FGF16: variants seen among roughly 807,000 people sequenced by gnomAD.
The protein encoded by FGF16 is fibroblast growth factor 16, also known as metacarpal 4-5 fusion.
FGF16 carries 2 observed loss-of-function variants against 8.5 expected under a neutral mutation model. The ratio of observed to expected loss-of-function variants is 0.24; its 90% CI spans 0.10 to 0.75. The LOEUF is 0.75. Among genes scored for constraint, FGF16 ranks in the 30% least tolerant of loss-of-function variants. The probability of loss-of-function intolerance (pLI) is 0.74; values close to 1 mark genes in which losing one functional copy is unlikely to be tolerated. For synonymous variants in FGF16, 33 were observed against 34.6 expected, an observed-to-expected ratio of 0.95 and a Z score of 0.16; for missense variants, 79 against 87.4, an observed-to-expected ratio of 0.90 and a Z score of 0.38.
At chrX:77,449,045 T>C (rs928749809) in intron 1 of FGF16, among the ~76,000 whole-genome samples, 6 of 110,753 alleles carry the variant, frequency 5.4e-5, no homozygotes, top group Non-Finnish European at 1.1e-4. Context: ...CCCTCCTTCT[T>C]GCCAACATCT....
chrX:77,448,425 G>C (rs1413861997), intron 1 of FGF16, among the ~76,000 whole-genome samples: 1 of 112,763 alleles, frequency 8.9e-6, no homozygotes, highest in Non-Finnish European at 1.9e-5. Flanking sequence ...CTTTTGGCCC[G>C]TGGGTACCAG....
intron 1 of FGF16, among the ~76,000 whole-genome samples, chrX:77,453,637 C>A (rs57828703): frequency 0.28 from 31,043 of 110,337 alleles, 3,187 homozygotes; most frequent in Middle Eastern, 0.36. Flanking sequence ...GCCTGTGTGA[C>A]CTTTGTTAGA....
chrX:77,447,964 G>A lies in FGF16; in HGVS notation c.274+16G>A. 1 of 298,202 alleles carries A rather than the reference G, an allele frequency of 3.4e-6. No homozygotes were observed. Among genetic ancestry groups the A allele is most frequent in the Non-Finnish European group, 5.9e-6 (1 of 170,403 alleles). 24.6% of individuals were successfully genotyped at this position (298,202 alleles called of 1,213,427 possible). A position where few individuals can be genotyped will look rare whatever the true frequency, so the allele number is the denominator to read the frequency against. ...AGCCGCTTCGGTGAGGACGCGGTCG[G>A]GGGAACGGGAGGCGGGCGGACGGCG... is the stretch of plus-strand genomic sequence containing the variant. On this transcript the variant is annotated intron_variant, in intron 1 of 2. Transcript: ENST00000439435.
intron 1 of FGF16, among the ~76,000 whole-genome samples, chrX:77,450,789 G>A (rs1436080038): frequency 8.9e-6 from 1 of 111,958 alleles, no homozygotes; most frequent in Admixed American, 9.4e-5. Flanking sequence ...AGAAGTGTCT[G>A]GAAATTGTCA....
Position 77,457,271 on chromosome X carries a change from T to C in FGF16, c.*749T>C, listed in dbSNP as rs1394801862. ...TTACTGACAATAAAATTTGTCTTTA[T>C]ATTGTAAGATTCTGTCTAATTCTAT... On this transcript the variant is annotated 3_prime_UTR_variant, in exon 3 of 3. Transcript: ENST00000439435. The C allele has an allele frequency of 8.9e-6, 1 of 112,165 alleles. No individual in the cohort carries two copies. The highest frequency in any genetic ancestry group is 3.2e-5 in the African/African-American group (1 of 30,912). 9.2% of individuals were successfully genotyped at this position (112,165 alleles called of 1,213,427 possible). A position where few individuals can be genotyped will look rare whatever the true frequency, so the allele number is the denominator to read the frequency against.
intron 1 of FGF16, among the ~76,000 whole-genome samples, chrX:77,452,922 A>T (rs2062561283): frequency 9.0e-6 from 1 of 110,657 alleles, no homozygotes; most frequent in South Asian, 3.9e-4. Context: ...TAGAAAAAAT[A>T]AAAAATTAGC....
intron 2 of FGF16, among the ~76,000 whole-genome samples, chrX:77,454,868 C>T (rs781942340): frequency 3.2e-4 from 31 of 96,494 alleles, no homozygotes; most frequent in African/African-American, 8.0e-4. Flanking sequence ...GCAACCTCAG[C>T]TCACTGCAAC....
rs782722552 is a variant in FGF16 at position 77,454,790 on chromosome X, CT to C, written c.378+549del. Among the ~76,000 whole-genome samples, 581 of 81,112 alleles carry C rather than the reference CT, an allele frequency of 7.2e-3. 1 individual carries two copies. Among genetic ancestry groups the C allele is most frequent in the African/African-American group, 0.014 (304 of 21,206 alleles). 70.4% of individuals were successfully genotyped at this position (81,112 alleles called of 115,157 possible). Reference sequence around the variant, plus strand: ...CTCATTTGGCCCCCACCAAAACAAGCTTTTTTTTTTTTTTTTTTTGCTTTGA... The same window carrying C: ...CTCATTTGGCCCCCACCAAAACAAGCTTTTTTTTTTTTTTTTTTGCTTTGA... On this transcript the variant is annotated intron_variant, in intron 2 of 2. Transcript: ENST00000439435.
intron 1 of FGF16, among the ~76,000 whole-genome samples, chrX:77,453,137 T>G (rs1262481793): frequency 9.0e-6 from 1 of 111,718 alleles, no homozygotes; most frequent in Non-Finnish European, 1.9e-5. Flanking sequence ...CAGCCAGATA[T>G]GAGCTCATTT....
At position 77,454,198 on chromosome X, in the gene FGF16, A is replaced by C. The variant is rs781986970; in HGVS notation, c.316A>C (p.Ile106Leu). The change falls in exon 2 of 3, where the codon ATC becomes CTC. Residue 106 changes from isoleucine (I) to leucine (L), a missense_variant. Coordinates refer to ENST00000439435, the MANE Select transcript of FGF16 (RefSeq NM_003868.3). The stretch of plus-strand genomic sequence containing the variant: ...CAGCCTGGCTGTGGGGCTGATCAGC[A>C]TCCGGGGAGTGGACTCTGGCCTGTA... The part of the protein sequence containing the change: ...FISLAVGLIS[I>L]RGVDSGLYLG... 5.6e-5 allele frequency: 66 copies of C among 1,169,058 alleles called. No individual in the cohort carries two copies. In the South Asian group the frequency reaches 1.2e-3, roughly 21 times the overall value.
intron 1 of FGF16, 33 bp downstream of exon 1, chrX:77,447,981 C>T (rs1323673632): frequency 1.0e-5 from 3 of 296,853 alleles, no homozygotes; most frequent in African/African-American, 2.7e-5. Flanking sequence ...GGGAGGCGGG[C>T]GGACGGCGCA....
Position 77,456,432 on chromosome X carries a change from A to C in FGF16, c.534A>C (p.Lys178Asn), listed in dbSNP as rs782795164. 22 of 1,207,391 alleles carry C rather than the reference A, an allele frequency of 1.8e-5. No individual in the cohort carries two copies. Among genetic ancestry groups the C allele is most frequent in the Non-Finnish European group, 1.8e-5 (16 of 893,273 alleles). Residue 178 changes from lysine to asparagine, a missense_variant, in exon 3 of 3, where the codon AAA becomes AAC. Lys to Asn is a moderately conservative substitution (Grantham distance 94). Transcript: ENST00000439435. ...CACCCCGGGAGGGATACAGGACTAA[A>C]CGACACCAGAAATTCACTCACTTTT... ...DGSPREGYRT[K>N]RHQKFTHFLP...
chrX:77,449,731 C>A (rs1557026536), intron 1 of FGF16, among the ~76,000 whole-genome samples: 1 of 111,193 alleles, frequency 9.0e-6, no homozygotes, highest in African/African-American at 3.3e-5. Context: ...ATCTTGATTT[C>A]TTTTCATTTC....
At chrX:77,448,033 G>C in intron 1 of FGF16, 85 bp downstream of exon 1, 1 of 297,319 alleles carries the variant, frequency 3.4e-6, no homozygotes, top group African/African-American at 2.7e-5. Context: ...AGGGCCCGCA[G>C]ACCGCCCCCG....
Position 77,449,764 on chromosome X carries a change from G to A in FGF16, c.274+1816G>A, listed in dbSNP as rs782336205. Among the ~76,000 whole-genome samples, 7 of 111,026 alleles carry A rather than the reference G, an allele frequency of 6.3e-5. No homozygotes were observed. The South Asian group carries it at 2.6e-3, about 41-fold the overall frequency. On this transcript the variant is annotated intron_variant, in intron 1 of 2. Coordinates refer to ENST00000439435, the MANE Select transcript of FGF16 (RefSeq NM_003868.3). Reference sequence around the variant, plus strand: ...TTCCCAGGTCTGCTAAGGGTGTTAAGTTTAAGGAGAAACCAAAGGAAATAA... The same window carrying A: ...TTCCCAGGTCTGCTAAGGGTGTTAAATTTAAGGAGAAACCAAAGGAAATAA...
chrX:77,454,342 G>C (rs2062566798), intron 2 of FGF16, 82 bp downstream of exon 2: 2 of 511,993 alleles, frequency 3.9e-6, no homozygotes, highest in Non-Finnish European at 5.7e-6. Context: ...ACAATGTAAA[G>C]CAAAAGTATA....
intron 2 of FGF16, among the ~76,000 whole-genome samples, 187 bp from the exon 3 acceptor site, chrX:77,456,090 T>C (rs2062570895): frequency 8.9e-6 from 1 of 112,232 alleles, no homozygotes; most frequent in Non-Finnish European, 1.9e-5. Flanking sequence ...TGAAAGAGAA[T>C]GAAGGAGATA....
At chrX:77,454,942 A>G (rs2062568498) in intron 2 of FGF16, among the ~76,000 whole-genome samples, 1 of 107,477 alleles carries the variant, frequency 9.3e-6, no homozygotes. Flanking sequence ...GACTACAGGC[A>G]TGCACCACCA....
chrX:77,452,305 G>A (rs1557026744), intron 1 of FGF16, among the ~76,000 whole-genome samples: 3 of 112,402 alleles, frequency 2.7e-5, no homozygotes. Context: ...ATATCAAACG[G>A]AGCAGAACCA....
Sources: gnomAD v4.1 joint callset for allele counts (sites outside exome capture counted in the v4.1 genomes callset) on GRCh38, gnomAD v4.1.1 for gene constraint, MANE v1.5 for transcripts, NCBI Gene and HGNC (gene_info 2026-07-23, HGNC 2026-07-21) for gene names.